DAAM1: variants seen among roughly 807,000 people sequenced by gnomAD.
DAAM1 encodes the protein dishevelled associated activator of morphogenesis 1, also known as disheveled-associated activator of morphogenesis 1.
DAAM1 carries 52 observed loss-of-function variants against 130.0 expected under a neutral mutation model. That is an observed-to-expected ratio of 0.40 (90% CI 0.32 to 0.50). The LOEUF (loss-of-function observed/expected upper bound fraction) is 0.50. DAAM1 is among the 20% of genes least tolerant of loss of function. DAAM1 has a pLI of 0.61. For missense variants in DAAM1, 1,134 were observed against 1,303.8 expected (o/e 0.87, Z 2.01); for synonymous variants, 452 against 444.5 (o/e 1.02, Z -0.21).
At chr14:59,350,978 T>C (rs1886269789) in intron 17 of DAAM1, among the ~76,000 whole-genome samples, 2 of 152,284 alleles carry the variant, frequency 1.3e-5, no homozygotes, top group South Asian at 4.1e-4. Context: ...CAGACCCATT[T>C]GTCCAGCTGC....
intron 22 of DAAM1, chr14:59,362,207 T>G (rs1351129605): frequency 1.3e-5 from 2 of 151,758 alleles, no homozygotes; most frequent in Non-Finnish European, 2.9e-5. Context: ...AAATTTTGTG[T>G]TGTTGCTTTA....
chr14:59,207,250 A>G (rs12890702), intron 1 of DAAM1, among the ~76,000 whole-genome samples: 25,938 of 152,182 alleles, frequency 0.17, 2,549 homozygotes, highest in East Asian at 0.36. Flanking sequence ...TATCTTTTCT[A>G]TAGGCATGTA....
chr14:59,285,140 T>C (rs889169015), intron 2 of DAAM1, among the ~76,000 whole-genome samples: 1 of 152,094 alleles, frequency 6.6e-6, no homozygotes, highest in Non-Finnish European at 1.5e-5. Flanking sequence ...CCAGAAGAGA[T>C]TCAGGGACTA....
chr14:59,286,784 A>C (rs1883476507), intron 2 of DAAM1, among the ~76,000 whole-genome samples: 1 of 152,118 alleles, frequency 6.6e-6, no homozygotes, highest in African/African-American at 2.4e-5. Context: ...TTAAATCAGT[A>C]ATACAAAAAA....
At chr14:59,218,789 G>A (rs1165131388) in intron 1 of DAAM1, among the ~76,000 whole-genome samples, 1 of 151,994 alleles carries the variant, frequency 6.6e-6, no homozygotes, top group Admixed American at 6.6e-5. Flanking sequence ...TTTAAGTCTC[G>A]GCATTTGTTA....
chr14:59,197,425 A>T (rs958481515), intron 1 of DAAM1, among the ~76,000 whole-genome samples: 7 of 152,230 alleles, frequency 4.6e-5, no homozygotes, highest in Non-Finnish European at 5.9e-5. Flanking sequence ...TAAATGCTGG[A>T]ATTGAAGCCA....
At chr14:59,300,799 G>A (rs1884139847) in intron 3 of DAAM1, among the ~76,000 whole-genome samples, 1 of 152,016 alleles carries the variant, frequency 6.6e-6, no homozygotes, top group African/African-American at 2.4e-5. Context: ...AATATATACT[G>A]TTTCTCCATT....
rs1594824046 is a variant in DAAM1 at position 59,325,584 on chromosome 14, A to G, written c.990-80A>G. ...TATCTCTGAAAAGTCAGGAAAAACC[A>G]TGATATTAATGTCCTCAGTCTTATG... is the stretch of plus-strand genomic sequence containing the variant. On this transcript the variant is annotated intron_variant, in intron 8 of 24. Coordinates refer to ENST00000360909, the MANE Select transcript of DAAM1 (RefSeq NM_001270520.2). 17 of 1,215,574 alleles carry G rather than the reference A, an allele frequency of 1.4e-5. No homozygotes were observed. In the East Asian group the frequency reaches 3.6e-4, roughly 25 times the overall value. 75.3% of individuals were successfully genotyped at this position (1,215,574 alleles called of 1,614,324 possible). A position where few individuals can be genotyped will look rare whatever the true frequency, so the allele number is the denominator to read the frequency against.
intron 1 of DAAM1, among the ~76,000 whole-genome samples, chr14:59,205,714 G>A (rs1044731615): frequency 2.6e-5 from 4 of 152,114 alleles, no homozygotes; most frequent in Admixed American, 6.5e-5. Flanking sequence ...TTTTAAAAAC[G>A]CAACACTTTA....
At chr14:59,282,450 T>A (rs1300865980) in intron 2 of DAAM1, among the ~76,000 whole-genome samples, 1 of 152,170 alleles carries the variant, frequency 6.6e-6, no homozygotes, top group Non-Finnish European at 1.5e-5. Context: ...GAGTCACTTG[T>A]GCAAGGTTAC....
rs751089659 is a variant in DAAM1, at chr14:59,263,578, G to A, written c.101G>A (p.Ser34Asn). 4 of 1,614,190 alleles carry A rather than the reference G, an allele frequency of 2.5e-6. No homozygotes were observed. The highest frequency in any genetic ancestry group is 3.4e-6 in the Non-Finnish European group (4 of 1,180,022). ...PEITYRLRND[S>N]NFALQTMEPA... is the part of the protein sequence containing the mutation. ...ATCACGTATCGGCTGCGAAATGATA[G>A]CAACTTTGCGCTTCAGACCATGGAA... The change falls in exon 2 of 25, where the codon AGC (serine) becomes AAC (asparagine). Residue 34 changes from serine to asparagine, a missense_variant. Physicochemically the swap from Ser to Asn is conservative, Grantham distance 46. Around this residue, in one of 3 missense-constraint regions of DAAM1, gnomAD observed 99 missense variants for 86.4 expected, o/e 1.15. Coordinates refer to ENST00000360909, the MANE Select transcript of DAAM1 (RefSeq NM_001270520.2).
In DAAM1 at chr14:59,363,690, G is replaced by C; in HGVS notation, c.2734G>C (p.Asp912His). The C allele has an allele frequency of 8.7e-6, 14 of 1,614,160 alleles. No individual in the cohort carries two copies. The highest frequency in any genetic ancestry group is 1.2e-5 in the Non-Finnish European group (14 of 1,179,992). Residue 912 changes from aspartate to histidine, a missense_variant, in exon 23 of 25, where the codon GAT becomes CAT. Transcript: ENST00000360909. The stretch of plus-strand genomic sequence containing the variant: ...GAAGTCTCAGCCCCCACAGCCCGGA[G>C]ATAAGTTTGTGTCTGTTGTCAGCCA... ...YQKSQPPQPGDKFVSVVSQFI... is the reference protein window; with the variant it reads ...YQKSQPPQPGHKFVSVVSQFI...
intron 4 of DAAM1, among the ~76,000 whole-genome samples, chr14:59,319,105 G>A (rs941316314): frequency 6.6e-6 from 1 of 152,178 alleles, no homozygotes; most frequent in Non-Finnish European, 1.5e-5. Context: ...ATTTGTGTGA[G>A]TTTTCCAGGG....
chr14:59,318,756 CT>C (rs1884888509), intron 4 of DAAM1, among the ~76,000 whole-genome samples: 1 of 152,058 alleles, frequency 6.6e-6, no homozygotes, highest in Non-Finnish European at 1.5e-5. Flanking sequence ...GGTTATGTTC[CT>C]TACACAGTAT....
At chr14:59,293,823 AG>A in intron 3 of DAAM1, among the ~76,000 whole-genome samples, 1 of 152,346 alleles carries the variant, frequency 6.6e-6, no homozygotes, top group Admixed American at 6.5e-5. Flanking sequence ...CTGAACCAGG[AG>A]GAGGATATTA....
intron 1 of DAAM1, among the ~76,000 whole-genome samples, chr14:59,226,005 A>G (rs1444543230): frequency 1.3e-5 from 2 of 152,196 alleles, no homozygotes; most frequent in Non-Finnish European, 2.9e-5. Flanking sequence ...GAACAACTCT[A>G]AGGAGTCTAA....
intron 1 of DAAM1, among the ~76,000 whole-genome samples, chr14:59,257,363 G>C (rs1434868845): frequency 2.0e-5 from 3 of 147,266 alleles, no homozygotes; most frequent in African/African-American, 7.5e-5. Flanking sequence ...ACAGTCTAGT[G>C]GGGGAAATGG....
chr14:59,281,916 G>T (rs1594797902), intron 2 of DAAM1, among the ~76,000 whole-genome samples: 1 of 152,058 alleles, frequency 6.6e-6, no homozygotes, highest in South Asian at 2.1e-4. Flanking sequence ...CCTGGTCATT[G>T]TGCCTAGGCT....
At chr14:59,366,033 T>TATAC (rs1191710169) in intron 23 of DAAM1, among the ~76,000 whole-genome samples, 1 of 151,734 alleles carries the variant, frequency 6.6e-6, no homozygotes, top group Non-Finnish European at 1.5e-5. Flanking sequence ...ATTGTTACTG[T>TATAC]ATACATATAT....
Sources: gnomAD v4.1 joint callset for allele counts (sites outside exome capture counted in the v4.1 genomes callset) on GRCh38, gnomAD v4.1.1 for gene constraint, gnomAD v4.1.1 regional missense constraint, MANE v1.5 for transcripts, NCBI Gene and HGNC (gene_info 2026-07-23, HGNC 2026-07-21) for gene names.